Variants in DNAJC5 observed in about 807,000 individuals in gnomAD.
The protein encoded by DNAJC5 is DnaJ heat shock protein family (Hsp40) member C5.
Under a neutral mutation model 23.2 loss-of-function variants are expected in DNAJC5, and 1 was observed. The observed-to-expected ratio is 0.04, with a 90% CI of 0.02 to 0.20. DNAJC5 has a LOEUF of 0.20. Among genes scored for constraint, DNAJC5 ranks in the 10% least tolerant of loss-of-function variants. DNAJC5 has a pLI of 1.00. For synonymous variants in DNAJC5, 136 were observed against 120.0 expected (o/e 1.13, Z -0.87); for missense variants, 180 against 267.0 (o/e 0.67, Z 2.27).
rs1301152347 is a variant in DNAJC5, at chr20:63,932,093, A to G, written c.*525A>G. On this transcript the variant is annotated 3_prime_UTR_variant, in exon 5 of 5. Transcript: ENST00000360864. This position sits in a 1 kb window ranked among gnomAD's most constrained non-coding sequence, Gnocchi z 4.4. ...GTAGGACTCTGATCTCACCTGCCAG[A>G]AGAGAGGCGGGGCCGCGTCCTCCTG... 2 of 190,432 alleles carry G rather than the reference A, an allele frequency of 1.1e-5. No individual in the cohort carries two copies. The highest frequency in any genetic ancestry group is 4.7e-5 in the African/African-American group (2 of 42,694). 11.8% of individuals were successfully genotyped at this position (190,432 alleles called of 1,614,324 possible). A position where few individuals can be genotyped will look rare whatever the true frequency, so the allele number is the denominator to read the frequency against.
At chr20:63,910,641 C>T (rs2053476675) in intron 1 of DNAJC5, among the ~76,000 whole-genome samples, 1 of 151,392 alleles carries the variant, frequency 6.6e-6, no homozygotes, top group African/African-American at 2.4e-5. Context: ...GTTGGATAAC[C>T]TGCTCTCCAA....
At chr20:63,909,764 C>T (rs1012203673) in intron 1 of DNAJC5, among the ~76,000 whole-genome samples, 8 of 152,172 alleles carry the variant, frequency 5.3e-5, no homozygotes, top group African/African-American at 1.4e-4. Flanking sequence ...CCTTTTCTTC[C>T]GTGATAGGAA....
chr20:63,920,891 G>GACCA lies in DNAJC5; in HGVS notation c.-11-7444_-11-7443insACCA, dbSNP rs1375617170. ...AGGTTTTCTCCATGTTGGTCAGGCT[G>GACCA]GTCTCGAACTCCTGGCCACAAGAAG... On this transcript the variant is annotated intron_variant, in intron 1 of 4. Transcript: ENST00000360864. The surrounding 1 kb of genome is among the most constrained non-coding windows in gnomAD (Gnocchi z 4.6). 1.3e-5 allele frequency among the ~76,000 whole-genome samples: 2 copies of GACCA among 152,016 alleles called. No individual in the cohort carries two copies. The highest frequency in any genetic ancestry group is 1.3e-4 in the Admixed American group (2 of 15,254).
At chr20:63,906,950 AATT>A (rs2053452193) in intron 1 of DNAJC5, among the ~76,000 whole-genome samples, 1 of 151,794 alleles carries the variant, frequency 6.6e-6, no homozygotes, top group Non-Finnish European at 1.5e-5. Context: ...AAAAATAAAA[AATT>A]ATCCAAGTGT....
Position 63,934,532 on chromosome 20 carries a change from A to G in DNAJC5, c.*2964A>G, listed in dbSNP as rs2053701864. 6.6e-6 allele frequency: 1 copy of G among 152,260 alleles called. No homozygotes were observed. Among genetic ancestry groups the G allele is most frequent in the East Asian group, 1.9e-4 (1 of 5,208 alleles). 9.4% of individuals were successfully genotyped at this position (152,260 alleles called of 1,614,324 possible). On this transcript the variant is annotated 3_prime_UTR_variant, in exon 5 of 5. Coordinates refer to ENST00000360864, the MANE Select transcript of DNAJC5 (RefSeq NM_025219.3). ...GCACTGACTGCTTCCGACCTGCAGGAGGCGTAGGAGCGGCCCTGCGGGCCC... is the reference window on the plus strand; with the variant it reads ...GCACTGACTGCTTCCGACCTGCAGGGGGCGTAGGAGCGGCCCTGCGGGCCC...
intron 1 of DNAJC5, among the ~76,000 whole-genome samples, chr20:63,912,782 A>AT (rs2053490347): frequency 6.6e-6 from 1 of 151,826 alleles, no homozygotes; most frequent in African/African-American, 2.4e-5. Flanking sequence ...TAATTTTTGT[A>AT]TTTTTTAGTT....
intron 1 of DNAJC5, among the ~76,000 whole-genome samples, chr20:63,917,658 C>A (rs185628575): frequency 6.6e-6 from 1 of 152,098 alleles, no homozygotes; most frequent in Admixed American, 6.5e-5. Flanking sequence ...CGGATTCAAG[C>A]GATTTTCCTG....
At chr20:63,914,026 T>G (rs999030907) in intron 1 of DNAJC5, among the ~76,000 whole-genome samples, 1 of 152,050 alleles carries the variant, frequency 6.6e-6, no homozygotes, top group Non-Finnish European at 1.5e-5. Flanking sequence ...GCCACCATCT[T>G]GGGGGGACCA....
At chr20:63,908,261 T>C (rs1298697114) in intron 1 of DNAJC5, among the ~76,000 whole-genome samples, 2 of 152,304 alleles carry the variant, frequency 1.3e-5, no homozygotes, top group Middle Eastern at 3.4e-3. Context: ...CCAGGGTGAA[T>C]TTCTCTAAGA....
chr20:63,928,468 T>G lies in DNAJC5; in HGVS notation c.107+16T>G. ...AGTCCTATCGGTAAGTGGACAAGTG[T>G]GGCCCCCACATCCCCCCAGGAAGAC... On this transcript the variant is annotated intron_variant, in intron 2 of 4. Coordinates refer to ENST00000360864, the MANE Select transcript of DNAJC5 (RefSeq NM_025219.3). The surrounding 1 kb of genome is among the most constrained non-coding windows in gnomAD (Gnocchi z 4.6). 1 of 1,604,870 alleles carries G rather than the reference T, an allele frequency of 6.2e-7. No homozygotes were observed. Among genetic ancestry groups the G allele is most frequent in the South Asian group, 1.1e-5 (1 of 90,878 alleles).
Position 63,925,976 on chromosome 20 carries a change from T to C in DNAJC5, c.-11-2359T>C, listed in dbSNP as rs567116550. 2.4e-4 allele frequency among the ~76,000 whole-genome samples: 36 copies of C among 152,126 alleles called. No homozygotes were observed. The South Asian group carries it at 3.3e-3, about 14-fold the overall frequency. ...CCGAGTAGCTGGGACTACAGGTGCCTGCCACCACTTCCGGCTAATTTTTTT... is the reference window on the plus strand; with the variant it reads ...CCGAGTAGCTGGGACTACAGGTGCCCGCCACCACTTCCGGCTAATTTTTTT... On this transcript the variant is annotated intron_variant, in intron 1 of 4. Transcript: ENST00000360864.
chr20:63,915,582 G>T (rs2053510921), intron 1 of DNAJC5, among the ~76,000 whole-genome samples: 1 of 152,216 alleles, frequency 6.6e-6, no homozygotes, highest in African/African-American at 2.4e-5. Context: ...CTTGAAGGTA[G>T]GCTGGAGACG....
chr20:63,905,624 A>G (rs1379414766), intron 1 of DNAJC5, among the ~76,000 whole-genome samples: 2 of 150,446 alleles, frequency 1.3e-5, no homozygotes, highest in African/African-American at 2.5e-5. Flanking sequence ...CTGGAGTGCA[A>G]TGATGTGATC....
chr20:63,930,844 C>T lies in DNAJC5; in HGVS notation c.322-7C>T, dbSNP rs765086324. The T allele has an allele frequency of 7.4e-6, 12 of 1,612,278 alleles. No individual in the cohort carries two copies. Among genetic ancestry groups the T allele is most frequent in the Middle Eastern group, 2.0e-4 (1 of 4,920 alleles). On this transcript the variant is annotated splice_region_variant and splice_polypyrimidine_tract_variant and intron_variant, in intron 3 of 4. Transcript: ENST00000360864. ...GGCCATGCAACACCACCTTCTTCTC[C>T]CCCCAGGCCCTGTTTGTCTTCTGCG...
intron 1 of DNAJC5, among the ~76,000 whole-genome samples, chr20:63,896,646 C>T (rs893667854): frequency 6.6e-6 from 1 of 152,158 alleles, no homozygotes; most frequent in African/African-American, 2.4e-5. Flanking sequence ...CCTAGCCTGG[C>T]GACTGCCTGC....
Position 63,931,718 on chromosome 20 carries a change from G to A in DNAJC5, c.*150G>A, listed in dbSNP as rs1160484010. 3.1e-5 allele frequency: 23 copies of A among 740,020 alleles called. No homozygotes were observed. The highest frequency in any genetic ancestry group is 7.4e-5 in the South Asian group (5 of 67,210). 45.8% of individuals were successfully genotyped at this position (740,020 alleles called of 1,614,324 possible). A position where few individuals can be genotyped will look rare whatever the true frequency, so the allele number is the denominator to read the frequency against. On this transcript the variant is annotated 3_prime_UTR_variant, in exon 5 of 5. Transcript: ENST00000360864. The surrounding 1 kb of genome is among the most constrained non-coding windows in gnomAD (Gnocchi z 9.6). ...CCTGCCTCCACGCCCACCCAGCGTC[G>A]ACCCTTGACCCACGAAGTGCGTAGC...
Position 63,931,630 on chromosome 20 carries a change from T to C in DNAJC5, c.*62T>C. The C allele has an allele frequency of 1.4e-6, 2 of 1,467,342 alleles. No homozygotes were observed. Among genetic ancestry groups the C allele is most frequent in the Non-Finnish European group, 1.8e-6 (2 of 1,083,086 alleles). The allele number at this position is 1,467,342 out of a possible 1,614,324, so 90.9% of individuals were successfully genotyped here. On this transcript the variant is annotated 3_prime_UTR_variant, in exon 5 of 5. Coordinates refer to ENST00000360864, the MANE Select transcript of DNAJC5 (RefSeq NM_025219.3). This position sits in a 1 kb window ranked among gnomAD's most constrained non-coding sequence, Gnocchi z 9.6. ...CCTGGCCACGCCAACCTTAGAATCA[T>C]GAACTGTAGTCACAGAGATGGGAAG... is the stretch of plus-strand genomic sequence containing the variant.
At position 63,932,619 on chromosome 20, in the gene DNAJC5, C is replaced by T. The variant is rs576448324; in HGVS notation, c.*1051C>T. 5.2e-5 allele frequency: 8 copies of T among 152,670 alleles called. No homozygotes were observed. Among genetic ancestry groups the T allele is most frequent in the Non-Finnish European group, 1.0e-4 (7 of 68,098 alleles). The allele number at this position is 152,670 out of a possible 1,614,324, so 9.5% of individuals were successfully genotyped here. The stretch of plus-strand genomic sequence containing the variant: ...CCCTCCTCCTGTGTTTGCCAGAGCT[C>T]CCATCTGCCCCACTCGCCTTTGCCC... On this transcript the variant is annotated 3_prime_UTR_variant, in exon 5 of 5. Transcript: ENST00000360864. This position sits in a 1 kb window ranked among gnomAD's most constrained non-coding sequence, Gnocchi z 4.4.
In DNAJC5 at chr20:63,934,047, C is replaced by T. The variant is rs1241623068; in HGVS notation, c.*2479C>T. The stretch of plus-strand genomic sequence containing the variant: ...AATAAATCATGGTTGTGGCCATTCT[C>T]ACGGTGGTGATTGTGATTAGACGAC... On this transcript the variant is annotated 3_prime_UTR_variant, in exon 5 of 5. Coordinates refer to ENST00000360864, the MANE Select transcript of DNAJC5 (RefSeq NM_025219.3). The T allele has an allele frequency of 6.6e-6, 1 of 152,332 alleles. No individual in the cohort carries two copies. Among genetic ancestry groups the T allele is most frequent in the Admixed American group, 6.5e-5 (1 of 15,284 alleles). 9.4% of individuals were successfully genotyped at this position (152,332 alleles called of 1,614,324 possible).
Sources: gnomAD v4.1 joint callset for allele counts (sites outside exome capture counted in the v4.1 genomes callset) on GRCh38, gnomAD v4.1.1 for gene constraint, Gnocchi (gnomAD v3.1) non-coding constraint, MANE v1.5 for transcripts, NCBI Gene and HGNC (gene_info 2026-07-23, HGNC 2026-07-21) for gene names.